Variants in LOC128462377 observed in about 807,000 individuals in gnomAD.
chr16:89,318,829 G>C, the LOC128462377 span, among the ~76,000 whole-genome samples: 778 of 152,318 alleles, frequency 5.1e-3, 5 homozygotes, highest in African/African-American at 0.018. Flanking sequence ...TTCACTGCCT[G>C]ACACCTCCAC....
At chr16:89,320,199 A>T in the LOC128462377 span, 1 of 152,206 alleles carries the variant, frequency 6.6e-6, no homozygotes, top group South Asian at 2.1e-4. Flanking sequence ...CTCTTTAGAC[A>T]GTTCCGCAGC....
At chr16:89,345,435 C>T in the LOC128462377 span, among the ~76,000 whole-genome samples, 1 of 152,172 alleles carries the variant, frequency 6.6e-6, no homozygotes, top group Non-Finnish European at 1.5e-5. Flanking sequence ...GAGGCAGTCC[C>T]GTCCATTCCT....
chr16:89,404,631 C>T, the LOC128462377 span, among the ~76,000 whole-genome samples: 10 of 152,332 alleles, frequency 6.6e-5, no homozygotes, highest in Middle Eastern at 0.017. Context: ...AGAAGACAGA[C>T]GCAGTCACTA....
chr16:89,390,901 TG>T, the LOC128462377 span, among the ~76,000 whole-genome samples: 2 of 152,142 alleles, frequency 1.3e-5, no homozygotes, highest in African/African-American at 2.4e-5. Context: ...AACATGTAAG[TG>T]TCACCCTGAT....
At chr16:89,334,164 A>AC in the LOC128462377 span, among the ~76,000 whole-genome samples, 72 of 144,946 alleles carry the variant, frequency 5.0e-4, 1 homozygote, top group South Asian at 9.1e-4. Context: ...AAAAAAAAAA[A>AC]AAAAAAAAAC....
chr16:89,380,546 G>T, the LOC128462377 span, among the ~76,000 whole-genome samples: 1 of 114,818 alleles, frequency 8.7e-6, no homozygotes, highest in African/African-American at 3.5e-5. Flanking sequence ...AGGGCACGAA[G>T]AGCAGCCCCA....
chr16:89,329,417 A>T, the LOC128462377 span, among the ~76,000 whole-genome samples: 3 of 152,194 alleles, frequency 2.0e-5, no homozygotes, highest in Non-Finnish European at 2.9e-5. Context: ...AGGGAGAAAA[A>T]ACACAAGGGG....
chr16:89,326,911 A>G, the LOC128462377 span, among the ~76,000 whole-genome samples: 3 of 152,366 alleles, frequency 2.0e-5, no homozygotes, highest in African/African-American at 7.2e-5. Context: ...GACAGGACTA[A>G]GGAGGTTCCA....
At chr16:89,392,194 T>G in the LOC128462377 span, among the ~76,000 whole-genome samples, 812 of 152,348 alleles carry the variant, frequency 5.3e-3, 7 homozygotes, top group African/African-American at 0.018. Context: ...GTCTCCTTCA[T>G]TCGGTGTACT....
At chr16:89,342,509 G>C in the LOC128462377 span, among the ~76,000 whole-genome samples, 1 of 152,250 alleles carries the variant, frequency 6.6e-6, no homozygotes, top group African/African-American at 2.4e-5. Context: ...AGAGGCCAGC[G>C]TGAACTCGCT....
chr16:89,398,254 C>A, the LOC128462377 span, among the ~76,000 whole-genome samples: 1 of 151,676 alleles, frequency 6.6e-6, no homozygotes, highest in Non-Finnish European at 1.5e-5. Context: ...ATGAGGGACA[C>A]TGTGAAACAG....
At chr16:89,358,750 T>A in the LOC128462377 span, among the ~76,000 whole-genome samples, 1 of 152,162 alleles carries the variant, frequency 6.6e-6, no homozygotes, top group African/African-American at 2.4e-5. Flanking sequence ...CAGCCCTAGA[T>A]AACCCCACGT....
the LOC128462377 span, among the ~76,000 whole-genome samples, chr16:89,341,202 C>A: frequency 6.6e-6 from 1 of 152,150 alleles, no homozygotes; most frequent in Admixed American, 6.5e-5. Flanking sequence ...GGGTGAGATC[C>A]GCGGAGAAGA....
chr16:89,330,466 G>A, the LOC128462377 span, among the ~76,000 whole-genome samples: 6 of 152,092 alleles, frequency 3.9e-5, no homozygotes, highest in Non-Finnish European at 8.8e-5. Flanking sequence ...GCACAGACAC[G>A]GCTGCGGATG....
the LOC128462377 span, among the ~76,000 whole-genome samples, chr16:89,342,402 G>C: frequency 2.0e-5 from 3 of 152,254 alleles, 1 homozygote; most frequent in Admixed American, 6.5e-5. Flanking sequence ...TGGGAAGACA[G>C]CATTCGGTCC....
the LOC128462377 span, among the ~76,000 whole-genome samples, chr16:89,355,308 G>A: frequency 8.5e-5 from 13 of 152,112 alleles, no homozygotes; most frequent in South Asian, 2.1e-4. Context: ...GCGGGCGGAC[G>A]GCTCACACAG....
At chr16:89,355,983 G>A in the LOC128462377 span, among the ~76,000 whole-genome samples, 1 of 152,198 alleles carries the variant, frequency 6.6e-6, no homozygotes, top group African/African-American at 2.4e-5. Context: ...GGCTGAGGTG[G>A]GAGGATCACA....
At chr16:89,384,297 G>C in the LOC128462377 span, among the ~76,000 whole-genome samples, 3 of 152,206 alleles carry the variant, frequency 2.0e-5, no homozygotes, top group Non-Finnish European at 4.4e-5. Flanking sequence ...TTGGGAGACC[G>C]AGTTGGGTGG....
At chr16:89,417,851 G>A in the LOC128462377 span, among the ~76,000 whole-genome samples, 18 of 151,530 alleles carry the variant, frequency 1.2e-4, no homozygotes, top group African/African-American at 3.6e-4. Flanking sequence ...AAGACCACCA[G>A]GATCCTAACG....
Sources: allele counts gnomAD v4.1 joint callset (sites outside exome capture counted in the v4.1 genomes callset), GRCh38; gene constraint gnomAD v4.1.1; transcripts MANE v1.5.